GRIK4: variants seen among roughly 807,000 people sequenced by gnomAD.
GRIK4 encodes the protein glutamate ionotropic receptor kainate type subunit 4.
Under a neutral mutation model 104.9 loss-of-function variants are expected in GRIK4, and 40 were observed. The observed-to-expected ratio is 0.38, with a 90% confidence interval of 0.30 to 0.50. The LOEUF (loss-of-function observed/expected upper bound fraction) is 0.50. Among genes scored for constraint, GRIK4 ranks in the 20% least tolerant of loss-of-function variants. GRIK4 has a pLI of 0.93. For missense variants in GRIK4, 1,047 were observed against 1,308.1 expected (o/e 0.80, Z 3.08); for synonymous variants, 485 against 524.9 (o/e 0.92, Z 1.04).
intron 1 of GRIK4, among the ~76,000 whole-genome samples, chr11:120,575,538 G>A: frequency 6.6e-6 from 1 of 152,136 alleles, no homozygotes; most frequent in East Asian, 1.9e-4. Context: ...GGCCGCCGCT[G>A]AATGGGGTGT....
At chr11:120,630,367 C>T (rs1949319100) in intron 1 of GRIK4, among the ~76,000 whole-genome samples, 1 of 152,218 alleles carries the variant, frequency 6.6e-6, no homozygotes, top group Admixed American at 6.5e-5. Flanking sequence ...AAGAAACATG[C>T]TTGAAGAAGA....
intron 3 of GRIK4, among the ~76,000 whole-genome samples, chr11:120,733,204 G>A (rs1345484735): frequency 6.6e-6 from 1 of 152,064 alleles, no homozygotes; most frequent in Non-Finnish European, 1.5e-5. Flanking sequence ...CAGTCTATGT[G>A]TATCTTTATA....
At chr11:120,565,259 A>G (rs1037455848) in intron 1 of GRIK4, among the ~76,000 whole-genome samples, 4 of 152,290 alleles carry the variant, frequency 2.6e-5, no homozygotes, top group African/African-American at 7.2e-5. Context: ...GCCTCATGTC[A>G]TGGAGGAGCC....
At position 120,874,056 on chromosome 11, in the gene GRIK4, C is replaced by G. The variant is rs1174504524; in HGVS notation, c.907-10C>G. ...CTCCCTCCCTCCGCCTGCTCCCCGG[C>G]CTCTCCCAGCTCTCCTCGGCCCTGC... On this transcript the variant is annotated splice_polypyrimidine_tract_variant and intron_variant, in intron 9 of 20. Transcript: ENST00000527524. The G allele has an allele frequency of 1.9e-6, 3 of 1,595,682 alleles. No homozygotes were observed. In the South Asian group the frequency reaches 3.3e-5, roughly 18 times the overall value.
chr11:120,573,103 C>T (rs544860910), intron 1 of GRIK4, among the ~76,000 whole-genome samples: 1 of 152,222 alleles, frequency 6.6e-6, no homozygotes, highest in Admixed American at 6.5e-5. Context: ...GTAGTTACCT[C>T]GAGGCCATGA....
At chr11:120,759,650 T>C (rs896851145) in intron 3 of GRIK4, among the ~76,000 whole-genome samples, 1 of 152,126 alleles carries the variant, frequency 6.6e-6, no homozygotes, top group Admixed American at 6.5e-5. Context: ...ATTGACTTAG[T>C]CTGGGTTCTT....
chr11:120,739,441 C>T (rs1428145468), intron 3 of GRIK4, among the ~76,000 whole-genome samples: 1 of 152,164 alleles, frequency 6.6e-6, no homozygotes, highest in Non-Finnish European at 1.5e-5. Flanking sequence ...TCTTCCAGGC[C>T]TTGCTTCATG....
chr11:120,826,429 T>C (rs1953261794), intron 6 of GRIK4, among the ~76,000 whole-genome samples: 1 of 152,200 alleles, frequency 6.6e-6, no homozygotes. Flanking sequence ...CCAGCAATTC[T>C]GTCTTGACTC....
chr11:120,887,766 C>G (rs940082021), intron 11 of GRIK4, among the ~76,000 whole-genome samples: 2 of 152,134 alleles, frequency 1.3e-5, no homozygotes, highest in Non-Finnish European at 2.9e-5. Context: ...CAAATAATTA[C>G]CTAAATAACT....
intron 3 of GRIK4, among the ~76,000 whole-genome samples, chr11:120,670,580 C>T (rs1478459571): frequency 2.0e-5 from 3 of 152,272 alleles, no homozygotes; most frequent in African/African-American, 7.2e-5. Context: ...CTGCCTGGAA[C>T]ACTTTTCACC....
intron 13 of GRIK4, among the ~76,000 whole-genome samples, chr11:120,922,538 A>C (rs1320840033): frequency 1.3e-5 from 2 of 151,902 alleles, no homozygotes; most frequent in Non-Finnish European, 2.9e-5. Flanking sequence ...GCCATCCCTC[A>C]CCAGAAGGTC....
chr11:120,611,352 A>G (rs910315122), intron 1 of GRIK4, among the ~76,000 whole-genome samples: 1 of 152,142 alleles, frequency 6.6e-6, no homozygotes, highest in African/African-American at 2.4e-5. Flanking sequence ...ATAATATTTA[A>G]TATGCAGTAT....
intron 1 of GRIK4, among the ~76,000 whole-genome samples, chr11:120,565,621 G>T (rs1239028718): frequency 2.0e-5 from 3 of 152,196 alleles, no homozygotes; most frequent in African/African-American, 7.2e-5. Context: ...ACACAGCCGA[G>T]TGAGGAAGGA....
chr11:120,552,876 T>C (rs2136096587), intron 1 of GRIK4, among the ~76,000 whole-genome samples: 1 of 152,136 alleles, frequency 6.6e-6, no homozygotes, highest in East Asian at 1.9e-4. Flanking sequence ...GGCAGGTGCC[T>C]GTAATCCCAG....
intron 7 of GRIK4, among the ~76,000 whole-genome samples, chr11:120,836,172 A>G (rs912623980): frequency 1.3e-5 from 2 of 152,174 alleles, no homozygotes; most frequent in African/African-American, 4.8e-5. Flanking sequence ...ACAGTCCTGA[A>G]GGGGGAGTAT....
Position 120,628,938 on chromosome 11 carries a change from C to G in GRIK4, c.-158-24747C>G, listed in dbSNP as rs187911374. On this transcript the variant is annotated intron_variant, in intron 1 of 20. Coordinates refer to ENST00000527524, the MANE Select transcript of GRIK4 (RefSeq NM_014619.5). ...GTACTTGCCTTACGCTGTGCTAGGA[C>G]ACTCAGAGTGGAGAATGCGTCTGCT... 3.4e-3 allele frequency among the ~76,000 whole-genome samples: 513 copies of G among 152,304 alleles called. 1 individual carries two copies. The highest frequency in any genetic ancestry group is 6.3e-3 in the Admixed American group (97 of 15,302).
chr11:120,701,951 CTTTTTT>C (rs34068640), intron 3 of GRIK4, among the ~76,000 whole-genome samples: 142 of 92,084 alleles, frequency 1.5e-3, no homozygotes, highest in African/African-American at 5.6e-3. Flanking sequence ...TGATTCCAAG[CTTTTTT>C]TTTTTTTTTT....
chr11:120,613,330 G>A (rs1387052882), intron 1 of GRIK4, among the ~76,000 whole-genome samples: 4 of 152,200 alleles, frequency 2.6e-5, no homozygotes, highest in Non-Finnish European at 5.9e-5. Flanking sequence ...TAGCACTCAG[G>A]TCTTGTCAAT....
chr11:120,723,939 T>G (rs1267566631), intron 3 of GRIK4, among the ~76,000 whole-genome samples: 1 of 152,026 alleles, frequency 6.6e-6, no homozygotes, highest in African/African-American at 2.4e-5. Context: ...TGCAGTGCCC[T>G]GGAAACTCCC....
Sources: allele counts gnomAD v4.1 joint callset (sites outside exome capture counted in the v4.1 genomes callset), GRCh38; gene constraint gnomAD v4.1.1; transcripts MANE v1.5; gene names NCBI Gene and HGNC (gene_info 2026-07-23, HGNC 2026-07-21).